The following ELAVL2 variants were observed in gnomAD, a reference collection of about 807,000 sequenced individuals.
ELAVL2 encodes ELAV like RNA binding protein 2, also known as ELAV-like protein 2.
A neutral mutation model predicts 34.6 loss-of-function variants in ELAVL2; 4 were observed. The ratio of observed to expected loss-of-function variants is 0.12; its 90% CI spans 0.06 to 0.26. ELAVL2 has a LOEUF of 0.26. Among genes scored for constraint, ELAVL2 ranks in the 10% least tolerant of loss-of-function variants. ELAVL2 has a pLI of 1.00. For synonymous variants in ELAVL2, 193 were observed against 154.8 expected (o/e 1.25, Z -1.83); for missense variants, 432 against 442.8 (o/e 0.98, Z 0.22).
At chr9:23,766,199 A>G (rs1464615412) in intron 1 of ELAVL2, among the ~76,000 whole-genome samples, 1 of 152,200 alleles carries the variant, frequency 6.6e-6, no homozygotes, top group South Asian at 2.1e-4. Context: ...CATCTATCAA[A>G]AAGGATTAAC....
At chr9:23,787,575 A>C (rs2059849556) in intron 1 of ELAVL2, among the ~76,000 whole-genome samples, 3 of 151,958 alleles carry the variant, frequency 2.0e-5, no homozygotes, top group South Asian at 2.1e-4. Context: ...AAAAAAACAA[A>C]AAAAAAAGAT....
At chr9:23,717,214 C>G (rs974096678) in intron 3 of ELAVL2, among the ~76,000 whole-genome samples, 1 of 152,154 alleles carries the variant, frequency 6.6e-6, no homozygotes, top group Non-Finnish European at 1.5e-5. Flanking sequence ...ATATAATGAT[C>G]CTTTCCTCTG....
At chr9:23,779,635 A>G (rs2058762998) in intron 1 of ELAVL2, among the ~76,000 whole-genome samples, 1 of 151,908 alleles carries the variant, frequency 6.6e-6, no homozygotes, top group Non-Finnish European at 1.5e-5. Flanking sequence ...AAGGTAATCA[A>G]CTCACCATTC....
intron 5 of ELAVL2, among the ~76,000 whole-genome samples, chr9:23,695,123 T>C (rs963175229): frequency 1.3e-5 from 2 of 152,180 alleles, no homozygotes; most frequent in African/African-American, 4.8e-5. Flanking sequence ...ATGCCATGCC[T>C]TTATAGTCAA....
intron 1 of ELAVL2, among the ~76,000 whole-genome samples, chr9:23,812,804 C>G (rs994133884): frequency 3.3e-5 from 5 of 150,566 alleles, no homozygotes; most frequent in Non-Finnish European, 5.9e-5. Flanking sequence ...CTTAAAACTG[C>G]CAACATTAAG....
the ELAVL2 span, chr9:23,847,233 C>T: frequency 6.6e-5 from 10 of 152,118 alleles, no homozygotes; most frequent in African/African-American, 2.4e-4. Context: ...TTTTAAAACT[C>T]TAATGTCACT....
chr9:23,785,485 A>G (rs536407588), intron 1 of ELAVL2, among the ~76,000 whole-genome samples: 2 of 152,352 alleles, frequency 1.3e-5, no homozygotes, highest in South Asian at 4.1e-4. Flanking sequence ...AGTCAAATAT[A>G]GGCAAAATGA....
chr9:23,833,281 T>A, the ELAVL2 span, among the ~76,000 whole-genome samples: 4 of 151,850 alleles, frequency 2.6e-5, no homozygotes, highest in Non-Finnish European at 5.9e-5. Flanking sequence ...TTATCTCCAA[T>A]AATCCCATAA....
chr9:23,782,918 T>C (rs548886858), intron 1 of ELAVL2, among the ~76,000 whole-genome samples: 2 of 152,298 alleles, frequency 1.3e-5, no homozygotes, highest in African/African-American at 4.8e-5. Context: ...ACAAATTTCT[T>C]TGATAGCCTC....
intron 2 of ELAVL2, among the ~76,000 whole-genome samples, chr9:23,761,300 T>C (rs2054938015): frequency 6.6e-6 from 1 of 152,078 alleles, no homozygotes; most frequent in African/African-American, 2.4e-5. Flanking sequence ...TGAAAACAAC[T>C]CCTGCAGGAA....
intron 3 of ELAVL2, among the ~76,000 whole-genome samples, chr9:23,722,710 G>A (rs1235771612): frequency 6.6e-6 from 1 of 152,198 alleles, no homozygotes; most frequent in Non-Finnish European, 1.5e-5. Context: ...ATGCTTATTA[G>A]CTATTTCATT....
chr9:23,718,602 T>C (rs374074763), intron 3 of ELAVL2, among the ~76,000 whole-genome samples: 40 of 152,292 alleles, frequency 2.6e-4, no homozygotes, highest in African/African-American at 9.4e-4. Context: ...GGAAAAAGAA[T>C]AACAGAAATG....
chr9:23,702,039 A>G (rs2037439243), intron 4 of ELAVL2, among the ~76,000 whole-genome samples: 1 of 152,212 alleles, frequency 6.6e-6, no homozygotes, highest in South Asian at 2.1e-4. Flanking sequence ...GAACAGAAAG[A>G]AGAATTTGCT....
intron 1 of ELAVL2, among the ~76,000 whole-genome samples, chr9:23,773,438 T>C (rs1206128816): frequency 6.6e-6 from 1 of 152,166 alleles, no homozygotes; most frequent in Non-Finnish European, 1.5e-5. Flanking sequence ...GCTTTGCAAG[T>C]TGTCTTAGTA....
chr9:23,804,568 G>T (rs1430687136), intron 1 of ELAVL2, among the ~76,000 whole-genome samples: 4 of 152,180 alleles, frequency 2.6e-5, no homozygotes, highest in Admixed American at 1.3e-4. Flanking sequence ...TTCAAACAGT[G>T]CTTACAATAG....
rs118074989 is a variant in ELAVL2, at chr9:23,787,836, T to C, written c.-15-25587A>G. Among the ~76,000 whole-genome samples, 36 of 152,296 alleles carry C rather than the reference T, an allele frequency of 2.4e-4. No homozygotes were observed. The East Asian group carries it at 6.6e-3, about 28-fold the overall frequency. Reference sequence around the variant, plus strand: ...TTTGTAAGACAAGTGGACTATCAGCTAGGTAGTGCCAAACAAACAAGAGTC... The same window carrying C: ...TTTGTAAGACAAGTGGACTATCAGCCAGGTAGTGCCAAACAAACAAGAGTC... On this transcript the variant is annotated intron_variant, in intron 1 of 6. Coordinates refer to ENST00000397312, the MANE Select transcript of ELAVL2 (RefSeq NM_004432.5).
intron 1 of ELAVL2, among the ~76,000 whole-genome samples, chr9:23,766,525 T>C (rs2136166665): frequency 6.6e-6 from 1 of 151,556 alleles, no homozygotes; most frequent in Middle Eastern, 3.4e-3. Context: ...CCCTTCTATT[T>C]CATAGGAGGT....
intron 3 of ELAVL2, among the ~76,000 whole-genome samples, chr9:23,707,453 T>G (rs1032182381): frequency 6.6e-6 from 1 of 152,108 alleles, no homozygotes; most frequent in African/African-American, 2.4e-5. Flanking sequence ...GTGACTGAAG[T>G]ACTCCCATTA....
At chr9:23,745,578 C>T (rs1045596054) in intron 2 of ELAVL2, among the ~76,000 whole-genome samples, 1 of 152,116 alleles carries the variant, frequency 6.6e-6, no homozygotes, top group Non-Finnish European at 1.5e-5. Flanking sequence ...AAAGGTAAAA[C>T]TAGACTTGCA....
Sources: allele counts gnomAD v4.1 joint callset (sites outside exome capture counted in the v4.1 genomes callset), GRCh38; gene constraint gnomAD v4.1.1; transcripts MANE v1.5; gene names NCBI Gene and HGNC (gene_info 2026-07-23, HGNC 2026-07-21).